NRG1: variants seen among roughly 807,000 people sequenced by gnomAD.
NRG1 encodes neuregulin 1.
NRG1 carries 18 observed loss-of-function variants against 63.8 expected under a neutral mutation model. The observed-to-expected ratio is 0.28, with a 90% CI of 0.19 to 0.42. The LOEUF (loss-of-function observed/expected upper bound fraction) is 0.42, where lower values mean the gene tolerates loss of function less well. Among genes scored for constraint, NRG1 ranks in the 10% least tolerant of loss-of-function variants. NRG1 has a pLI of 1.00. For synonymous variants in NRG1, 302 were observed against 301.3 expected (o/e 1.00, Z -0.02); for missense variants, 762 against 814.7 (o/e 0.94, Z 0.79).
chr8:32,157,328 G>A (rs558076701), intron 1 of NRG1, among the ~76,000 whole-genome samples: 19 of 130,312 alleles, frequency 1.5e-4, no homozygotes, highest in South Asian at 7.7e-4. Flanking sequence ...TGGTGCCACC[G>A]CACTTCAGAA....
intron 1 of NRG1, among the ~76,000 whole-genome samples, chr8:32,155,630 C>G (rs115557377): frequency 3.9e-5 from 6 of 152,158 alleles, no homozygotes; most frequent in African/African-American, 1.4e-4. Context: ...ACTGCATTGA[C>G]GCTTGTTCAT....
intron 1 of NRG1, among the ~76,000 whole-genome samples, chr8:31,871,063 A>G (rs1173873632): frequency 6.9e-6 from 1 of 144,674 alleles, no homozygotes; most frequent in Non-Finnish European, 1.5e-5. Context: ...TGCAATTTCT[A>G]CCTCCTGGGT....
At chr8:31,715,907 A>G (rs1812304401) in intron 1 of NRG1, among the ~76,000 whole-genome samples, 1 of 152,236 alleles carries the variant, frequency 6.6e-6, no homozygotes, top group South Asian at 2.1e-4. Context: ...ATGTAAATAT[A>G]GTTGAAAGTC....
chr8:32,536,007 T>G (rs1050476901), intron 1 of NRG1, among the ~76,000 whole-genome samples: 4 of 152,224 alleles, frequency 2.6e-5, no homozygotes, highest in Admixed American at 1.3e-4. Context: ...AGACACTACA[T>G]CAATTAAAAT....
intron 5 of NRG1, among the ~76,000 whole-genome samples, chr8:32,620,747 G>A (rs749467132): frequency 1.2e-4 from 18 of 151,800 alleles, no homozygotes; most frequent in Non-Finnish European, 2.2e-4. Flanking sequence ...ACCTGAGCCC[G>A]GGAGTTTGAG....
At chr8:32,442,013 T>A (rs535225652) in intron 1 of NRG1, among the ~76,000 whole-genome samples, 1 of 152,276 alleles carries the variant, frequency 6.6e-6, no homozygotes, top group East Asian at 1.9e-4. Flanking sequence ...ATGATAGTTA[T>A]TTTTTTCCAT....
chr8:32,471,091 A>G (rs1377247395), intron 1 of NRG1, among the ~76,000 whole-genome samples: 1 of 152,192 alleles, frequency 6.6e-6, no homozygotes, highest in Admixed American at 6.5e-5. Flanking sequence ...GCTGTTTAAT[A>G]GAAGTTATCA....
chr8:32,413,606 A>T (rs1815427172), intron 1 of NRG1, among the ~76,000 whole-genome samples: 1 of 152,222 alleles, frequency 6.6e-6, no homozygotes, highest in African/African-American at 2.4e-5. Flanking sequence ...CCTTCTATAG[A>T]ACACATTCCC....
chr8:31,795,435 G>C (rs1419749018), intron 1 of NRG1, among the ~76,000 whole-genome samples: 2 of 152,192 alleles, frequency 1.3e-5, no homozygotes, highest in African/African-American at 4.8e-5. Context: ...GATTGCAGTT[G>C]AAAGACACAG....
chr8:32,502,031 A>G (rs1298713796), intron 1 of NRG1, among the ~76,000 whole-genome samples: 1 of 152,138 alleles, frequency 6.6e-6, no homozygotes, highest in African/African-American at 2.4e-5. Flanking sequence ...GCATCAATAC[A>G]CTACTGTATT....
chr8:32,580,256 G>T (rs1158298599), intron 1 of NRG1, among the ~76,000 whole-genome samples: 1 of 152,124 alleles, frequency 6.6e-6, no homozygotes, highest in Non-Finnish European at 1.5e-5. Context: ...CTTTTGCTGT[G>T]TAAGGTAACA....
intron 1 of NRG1, among the ~76,000 whole-genome samples, chr8:32,332,825 T>G (rs1438030055): frequency 6.6e-6 from 1 of 152,200 alleles, no homozygotes; most frequent in East Asian, 1.9e-4. Flanking sequence ...CTCAGAAGAC[T>G]GTGTTTTACT....
Position 31,873,992 on chromosome 8 carries a change from A to AT in NRG1, c.37+234565dup, listed in dbSNP as rs1245148030. On this transcript the variant is annotated intron_variant, in intron 1 of 10. Transcript: ENST00000519301. Reference sequence around the variant, plus strand: ...TCCTTGATCCATCAATGAAAATGTGATTTTCTGTTGGAGTCTTCGATAAAT... The same window carrying AT: ...TCCTTGATCCATCAATGAAAATGTGATTTTTCTGTTGGAGTCTTCGATAAAT... Among the ~76,000 whole-genome samples the AT allele has an allele frequency of 3.9e-5, 6 of 152,090 alleles. 1 individual carries two copies. Among genetic ancestry groups the AT allele is most frequent in the Admixed American group, 2.6e-4 (4 of 15,264 alleles).
At chr8:31,936,244 A>G (rs569349348) in intron 1 of NRG1, among the ~76,000 whole-genome samples, 29 of 152,344 alleles carry the variant, frequency 1.9e-4, no homozygotes, top group African/African-American at 6.5e-4. Context: ...TGTACAATAA[A>G]TGTTTACTTA....
chr8:31,895,167 C>G (rs1831478137), intron 1 of NRG1, among the ~76,000 whole-genome samples: 1 of 152,198 alleles, frequency 6.6e-6, no homozygotes, highest in Non-Finnish European at 1.5e-5. Context: ...CCTGTTAATA[C>G]TAAGGAGCCT....
At chr8:32,258,268 G>A (rs1377811016) in intron 1 of NRG1, among the ~76,000 whole-genome samples, 1 of 152,158 alleles carries the variant, frequency 6.6e-6, no homozygotes, top group Non-Finnish European at 1.5e-5. Context: ...GCTTTTCACA[G>A]TTGAGGAAAA....
chr8:32,757,986 C>T (rs937328266), intron 9 of NRG1, among the ~76,000 whole-genome samples: 1 of 152,124 alleles, frequency 6.6e-6, no homozygotes, highest in African/African-American at 2.4e-5. Flanking sequence ...TTAAATCAAG[C>T]TAGCTGTACT....
At chr8:31,918,596 C>A (rs1189633861) in intron 1 of NRG1, among the ~76,000 whole-genome samples, 5 of 152,204 alleles carry the variant, frequency 3.3e-5, no homozygotes, top group African/African-American at 1.2e-4. Context: ...CTGCTGGATT[C>A]GTTTTGCCAG....
chr8:32,638,961 A>G (rs1008633740), intron 5 of NRG1, among the ~76,000 whole-genome samples: 1 of 152,028 alleles, frequency 6.6e-6, no homozygotes, highest in Non-Finnish European at 1.5e-5. Context: ...TGGAAACTGC[A>G]TATACTTTTA....
Sources: gnomAD v4.1 joint callset for allele counts (sites outside exome capture counted in the v4.1 genomes callset) on GRCh38, gnomAD v4.1.1 for gene constraint, MANE v1.5 for transcripts, NCBI Gene and HGNC (gene_info 2026-07-23, HGNC 2026-07-21) for gene names.